Variants in MZT2B observed in about 807,000 individuals in gnomAD.
The protein encoded by MZT2B is mitotic spindle organizing protein 2B.
MZT2B carries 11 observed loss-of-function variants against 12.1 expected under a neutral mutation model. The ratio of observed to expected loss-of-function variants is 0.91; its 90% CI spans 0.57 to 1.50. The LOEUF is 1.50. MZT2B is among the 40% of genes most tolerant of loss of function. The pLI is 0.00. For missense variants in MZT2B, 209 were observed against 227.7 expected (o/e 0.92, Z 0.53); for synonymous variants, 85 against 109.5 (o/e 0.78, Z 1.40).
At position 130,182,272 on chromosome 2, in the gene MZT2B, G is replaced by C. The variant is rs1223220925; in HGVS notation, c.-11G>C. 4.6e-6 allele frequency: 6 copies of C among 1,299,038 alleles called. No individual in the cohort carries two copies. The highest frequency in any genetic ancestry group is 5.8e-6 in the Non-Finnish European group (6 of 1,032,686). 80.5% of individuals were successfully genotyped at this position (1,299,038 alleles called of 1,614,324 possible). ...GGCGGGGCGGAGCGCACCTTTCCGC[G>C]GGCCGCGGGGATGGCGGCGCAGGGC... On this transcript the variant is annotated 5_prime_UTR_variant, in exon 1 of 3. Coordinates refer to ENST00000281871, the MANE Select transcript of MZT2B (RefSeq NM_025029.5).
At chr2:130,197,117 A>AC in the MZT2B span, among the ~76,000 whole-genome samples, 32 of 152,064 alleles carry the variant, frequency 2.1e-4, no homozygotes, top group Admixed American at 2.1e-3. Context: ...CCCTCTCTCT[A>AC]CCCCTTGAAG....
the MZT2B span, among the ~76,000 whole-genome samples, chr2:130,197,734 G>A: frequency 1.6e-5 from 2 of 123,048 alleles, no homozygotes; most frequent in Non-Finnish European, 3.6e-5. Context: ...AGCCTCCCGA[G>A]TAGCTGGAAC....
At chr2:130,199,215 A>G in the MZT2B span, among the ~76,000 whole-genome samples, 2 of 118,296 alleles carry the variant, frequency 1.7e-5, 1 homozygote, top group South Asian at 5.9e-4. Context: ...CTCTGTCTCA[A>G]AAAAAAAAGG....
chr2:130,189,527 G>T (rs1319968218), intron 2 of MZT2B, among the ~76,000 whole-genome samples: 1 of 152,178 alleles, frequency 6.6e-6, no homozygotes, highest in Non-Finnish European at 1.5e-5. Context: ...CCTGTTTAGA[G>T]CCCACAGGCC....
At chr2:130,204,074 G>A in the MZT2B span, 1 of 1,103,954 alleles carries the variant, frequency 9.1e-7, no homozygotes, top group East Asian at 6.0e-5. Flanking sequence ...AGCATTGGCT[G>A]TCACTTGTAA....
chr2:130,193,029 G>T (rs1482537710), downstream of MZT2B, among the ~76,000 whole-genome samples: 2 of 151,414 alleles, frequency 1.3e-5, no homozygotes, highest in Non-Finnish European at 2.9e-5. Context: ...GGAGGTGGAG[G>T]TTGCAGTGAG....
intron 2 of MZT2B, among the ~76,000 whole-genome samples, chr2:130,190,202 A>G (rs1397268839): frequency 2.6e-5 from 4 of 152,070 alleles, no homozygotes; most frequent in African/African-American, 7.2e-5. Flanking sequence ...TCCTTTCAAA[A>G]TGTTCCCTTG....
At chr2:130,188,539 C>T (rs1460041857) in intron 2 of MZT2B, among the ~76,000 whole-genome samples, 1 of 152,188 alleles carries the variant, frequency 6.6e-6, no homozygotes, top group East Asian at 1.9e-4. Context: ...AATCATCACC[C>T]ACCACGTGTT....
chr2:130,182,074 C>A, upstream of MZT2B: 2 of 1,348,570 alleles, frequency 1.5e-6, no homozygotes, highest in Non-Finnish European at 1.9e-6. Flanking sequence ...ATGCCACTCC[C>A]GGCTCCTAGA....
downstream of MZT2B, among the ~76,000 whole-genome samples, chr2:130,192,681 C>T (rs1387941044): frequency 1.3e-5 from 2 of 152,132 alleles, no homozygotes; most frequent in African/African-American, 4.8e-5. Context: ...GGGTGACATT[C>T]CAAGGTGGTA....
chr2:130,201,927 C>A, the MZT2B span, among the ~76,000 whole-genome samples: 1 of 152,116 alleles, frequency 6.6e-6, no homozygotes, highest in Non-Finnish European at 1.5e-5. Context: ...CTTTATGGGA[C>A]CACTCTTATA....
At chr2:130,191,796 A>T, downstream of MZT2B, 1 of 1,586,332 alleles carries the variant, frequency 6.3e-7, no homozygotes, top group Non-Finnish European at 8.6e-7. Flanking sequence ...CAGCCATCCT[A>T]GGGGTGGCAG....
At chr2:130,183,928 C>A in intron 2 of MZT2B, 2 of 1,550,558 alleles carry the variant, frequency 1.3e-6, no homozygotes, top group South Asian at 2.4e-5. Flanking sequence ...CCCCCGGGTT[C>A]CCTCCGCCTC....
chr2:130,182,631 C>T lies in MZT2B; in HGVS notation c.175C>T (p.Leu59=), dbSNP rs767371754. The T allele has an allele frequency of 5.9e-6, 9 of 1,532,814 alleles. No individual in the cohort carries two copies. Among genetic ancestry groups the T allele is most frequent in the South Asian group, 1.2e-5 (1 of 80,362 alleles). 95.0% of individuals were successfully genotyped at this position (1,532,814 alleles called of 1,614,324 possible). A position where few individuals can be genotyped will look rare whatever the true frequency, so the allele number is the denominator to read the frequency against. The stretch of plus-strand genomic sequence containing the variant: ...CCCCGCGTCTGTCCCCGCCAGGATC[C>T]TGGTGGACCTGCTGAAGCTGAACGT... The part of the protein sequence containing the change: ...GAIDPDVFKI[L]VDLLKLNVAP... Residue 59 remains leucine (L), a synonymous_variant, in exon 2 of 3, where the codon CTG becomes TTG. Coordinates refer to ENST00000281871, the MANE Select transcript of MZT2B (RefSeq NM_025029.5).
chr2:130,186,630 G>C (rs982527025), intron 2 of MZT2B, among the ~76,000 whole-genome samples: 2 of 152,120 alleles, frequency 1.3e-5, no homozygotes, highest in African/African-American at 4.8e-5. Context: ...CCAAATGACC[G>C]GTACAAAAGG....
chr2:130,200,536 G>A, the MZT2B span, among the ~76,000 whole-genome samples: 12 of 152,194 alleles, frequency 7.9e-5, no homozygotes, highest in Non-Finnish European at 1.6e-4. Context: ...AGTACAAGGC[G>A]TGTGACTGAA....
intron 2 of MZT2B, among the ~76,000 whole-genome samples, chr2:130,186,643 A>T (rs1484821392): frequency 4.6e-5 from 7 of 152,172 alleles, no homozygotes; most frequent in Non-Finnish European, 8.8e-5. Context: ...ACAAAAGGGA[A>T]TGCAAAAAAC....
chr2:130,195,379 A>G (rs576687209), downstream of MZT2B: 2 of 1,286,856 alleles, frequency 1.6e-6, no homozygotes, highest in African/African-American at 1.5e-5. Flanking sequence ...CTGGTAGAAA[A>G]TGTCTCTGTG....
At chr2:130,184,164 C>T in intron 2 of MZT2B, 1 of 1,458,822 alleles carries the variant, frequency 6.9e-7, no homozygotes, top group Non-Finnish European at 9.0e-7. Context: ...CTAGACCCCA[C>T]AGTCGGGCTG....
Sources: allele counts gnomAD v4.1 joint callset (sites outside exome capture counted in the v4.1 genomes callset), GRCh38; gene constraint gnomAD v4.1.1; transcripts MANE v1.5; gene names NCBI Gene and HGNC (gene_info 2026-07-23, HGNC 2026-07-21).